Variants in LIN28B observed in about 807,000 individuals in gnomAD.
LIN28B encodes the protein protein lin-28 homolog B.
A neutral mutation model predicts 21.9 loss-of-function variants in LIN28B; 5 were observed. The observed-to-expected ratio is 0.23, with a 90% CI of 0.12 to 0.48. The LOEUF is 0.48. Ranked by LOEUF, LIN28B falls within the 20% of genes least tolerant of loss-of-function variation. LIN28B has a pLI of 0.98. For missense variants in LIN28B, 245 were observed against 310.5 expected, an observed-to-expected ratio of 0.79 and a Z score of 1.58; for synonymous variants, 109 against 111.3, an observed-to-expected ratio of 0.98 and a Z score of 0.13.
chr6:104,991,539 G>T (rs566096277), intron 2 of LIN28B, among the ~76,000 whole-genome samples: 1 of 151,232 alleles, frequency 6.6e-6, no homozygotes, highest in African/African-American at 2.4e-5. Context: ...CTGGGCAGCC[G>T]GGCAGAGGGC....
chr6:105,002,789 A>G (rs1016049552), intron 2 of LIN28B, among the ~76,000 whole-genome samples: 1 of 152,208 alleles, frequency 6.6e-6, no homozygotes, highest in Non-Finnish European at 1.5e-5. Context: ...CTTTGACAGT[A>G]TATTACAGTG....
At chr6:104,968,103 A>G (rs1412844655) in intron 2 of LIN28B, among the ~76,000 whole-genome samples, 3 of 152,248 alleles carry the variant, frequency 2.0e-5, no homozygotes, top group East Asian at 3.8e-4. Context: ...AGTAAAGCCA[A>G]CTAATTTTTA....
chr6:105,023,434 TTA>T (rs1562096366), intron 2 of LIN28B, among the ~76,000 whole-genome samples: 3 of 1,662 alleles, frequency 1.8e-3, no homozygotes, highest in African/African-American at 4.2e-3. Context: ...TATAATTATA[TTA>T]TATATAATAT....
intron 2 of LIN28B, among the ~76,000 whole-genome samples, chr6:105,016,146 A>G (rs901617354): frequency 6.6e-6 from 1 of 152,186 alleles, no homozygotes; most frequent in African/African-American, 2.4e-5. Context: ...GAGGAGCAGT[A>G]AAACAAAATA....
At chr6:104,964,633 GCATCT>G (rs774752863) in intron 2 of LIN28B, among the ~76,000 whole-genome samples, 12 of 152,084 alleles carry the variant, frequency 7.9e-5, no homozygotes, top group Non-Finnish European at 1.8e-4. Flanking sequence ...ATTGATTATA[GCATCT>G]TCTAATATCA....
intron 2 of LIN28B, among the ~76,000 whole-genome samples, chr6:104,942,666 A>C (rs747071448): frequency 6.6e-6 from 1 of 152,142 alleles, no homozygotes; most frequent in Non-Finnish European, 1.5e-5. Flanking sequence ...TTGCCTGCCA[A>C]ATTATTTATC....
At chr6:104,963,596 A>G (rs1357373959) in intron 2 of LIN28B, among the ~76,000 whole-genome samples, 2 of 152,160 alleles carry the variant, frequency 1.3e-5, no homozygotes, top group Non-Finnish European at 2.9e-5. Flanking sequence ...GAGCAGTTTT[A>G]GGTTCACAGC....
At chr6:105,016,445 T>C (rs555266011) in intron 2 of LIN28B, among the ~76,000 whole-genome samples, 2 of 152,298 alleles carry the variant, frequency 1.3e-5, no homozygotes, top group African/African-American at 4.8e-5. Context: ...TTGAGGGACA[T>C]TTGAAATATT....
intron 2 of LIN28B, among the ~76,000 whole-genome samples, chr6:105,020,555 G>A (rs1252325247): frequency 2.0e-5 from 3 of 151,946 alleles, no homozygotes; most frequent in Non-Finnish European, 4.4e-5. Context: ...CTGAGCTCAA[G>A]CAGTCTACCT....
Position 105,078,823 on chromosome 6 carries a change from A to C in LIN28B, c.*40A>C, listed in dbSNP as rs776704923. The stretch of plus-strand genomic sequence containing the variant: ...ATGTTCTTTCCTTTACCCGGTTGCA[A>C]AGTCTACCTCATGCAAGTATAGGGG... On this transcript the variant is annotated 3_prime_UTR_variant, in exon 4 of 4. Transcript: ENST00000345080. 6.3e-7 allele frequency: 1 copy of C among 1,580,812 alleles called. No individual in the cohort carries two copies. The highest frequency in any genetic ancestry group is 8.6e-7 in the Non-Finnish European group (1 of 1,161,628).
intron 2 of LIN28B, among the ~76,000 whole-genome samples, chr6:104,941,949 G>A (rs1778100417): frequency 6.6e-6 from 1 of 151,724 alleles, no homozygotes; most frequent in Admixed American, 6.6e-5. Context: ...TTTCTTAAAT[G>A]TAAGTAATAG....
intron 2 of LIN28B, among the ~76,000 whole-genome samples, chr6:104,966,042 T>C (rs149145201): frequency 1.6e-4 from 24 of 152,304 alleles, no homozygotes; most frequent in African/African-American, 5.5e-4. Context: ...AGGACAAAAA[T>C]AGTACCCACT....
At chr6:104,953,684 C>T (rs534218210), upstream of LIN28B, among the ~76,000 whole-genome samples, 28 of 152,024 alleles carry the variant, frequency 1.8e-4, no homozygotes, top group South Asian at 4.4e-3. Flanking sequence ...GGAGGGAAAG[C>T]GCAGATCTGC....
chr6:105,060,453 G>A (rs909293881), intron 3 of LIN28B, among the ~76,000 whole-genome samples: 3 of 151,984 alleles, frequency 2.0e-5, no homozygotes, highest in African/African-American at 4.8e-5. Flanking sequence ...TTGTTTGTTC[G>A]TTTCATTTAT....
intron 3 of LIN28B, among the ~76,000 whole-genome samples, chr6:105,064,025 A>G (rs942130772): frequency 6.6e-6 from 1 of 152,128 alleles, no homozygotes; most frequent in Non-Finnish European, 1.5e-5. Flanking sequence ...CAAAAAAACT[A>G]AAATTGGGTC....
chr6:105,079,808 CTCCTGGAGAGTTA>C lies in LIN28B; in HGVS notation c.*1028_*1040del, dbSNP rs1049400502. The C allele has an allele frequency of 5.3e-5, 8 of 152,048 alleles. No individual in the cohort carries two copies. The highest frequency in any genetic ancestry group is 1.9e-4 in the African/African-American group (8 of 41,398). 9.4% of individuals were successfully genotyped at this position (152,048 alleles called of 1,614,324 possible). Reference sequence around the variant, plus strand: ...ATATTTTTGGTGGTGGTTTTTATTCCTCCTGGAGAGTTATCTAATTTGTTTCTAAAACAAACAA... The same window carrying C: ...ATATTTTTGGTGGTGGTTTTTATTCCTCTAATTTGTTTCTAAAACAAACAA... On this transcript the variant is annotated 3_prime_UTR_variant, in exon 4 of 4. Transcript: ENST00000345080.
At position 105,019,169 on chromosome 6, in the gene LIN28B, A is replaced by T. The variant is rs544547225; in HGVS notation, c.199-7129A>T. On this transcript the variant is annotated intron_variant, in intron 2 of 3. Transcript: ENST00000345080. ...CACTATGTTGGCCAGGCTGGTCTTG[A>T]ACTCCTGATCTTAGGCAATCCAGCC... Among the ~76,000 whole-genome samples, 3 of 152,276 alleles carry T rather than the reference A, an allele frequency of 2.0e-5. No individual in the cohort carries two copies. The South Asian group carries it at 6.2e-4, about 32-fold the overall frequency.
chr6:105,006,022 G>A (rs1310194716), intron 2 of LIN28B, among the ~76,000 whole-genome samples: 1 of 152,130 alleles, frequency 6.6e-6, no homozygotes, highest in African/African-American at 2.4e-5. Context: ...TTATTCTTCT[G>A]ACTTTGTGTC....
intron 2 of LIN28B, among the ~76,000 whole-genome samples, chr6:104,968,467 A>G (rs1208328132): frequency 6.6e-6 from 1 of 152,180 alleles, no homozygotes; most frequent in African/African-American, 2.4e-5. Context: ...CTTAATTTCT[A>G]CCAGCTGCTT....
Sources: allele counts gnomAD v4.1 joint callset (sites outside exome capture counted in the v4.1 genomes callset), GRCh38; gene constraint gnomAD v4.1.1; transcripts MANE v1.5; gene names NCBI Gene and HGNC (gene_info 2026-07-23, HGNC 2026-07-21).